CWF19L2: variants seen among roughly 807,000 people sequenced by gnomAD.
The protein encoded by CWF19L2 is CWF19-like protein 2.
CWF19L2 carries 98 observed loss-of-function variants against 111.7 expected under a neutral mutation model. That is an observed-to-expected ratio of 0.88 (90% CI 0.75 to 1.04). The LOEUF (loss-of-function observed/expected upper bound fraction) is 1.04. Among genes scored for constraint, CWF19L2 ranks in the 50% least tolerant of loss-of-function variants. CWF19L2 has a pLI of 0.00. For synonymous variants in CWF19L2, 351 were observed against 342.9 expected (o/e 1.02, Z -0.26); for missense variants, 1,101 against 1,051.4 (o/e 1.05, Z -0.65).
intron 14 of CWF19L2, among the ~76,000 whole-genome samples, chr11:107,343,852 C>T (rs1243261558): frequency 6.6e-6 from 1 of 152,120 alleles, no homozygotes; most frequent in Non-Finnish European, 1.5e-5. Flanking sequence ...CCTTACTTCC[C>T]TTTATGTCCA....
intron 14 of CWF19L2, among the ~76,000 whole-genome samples, chr11:107,337,512 A>T (rs11212170): frequency 6.6e-6 from 1 of 152,054 alleles, no homozygotes; most frequent in African/African-American, 2.4e-5. Flanking sequence ...CACCCCCTGT[A>T]GTACAGGATG....
intron 12 of CWF19L2, among the ~76,000 whole-genome samples, chr11:107,381,482 T>A (rs10502087): frequency 0.29 from 44,699 of 152,074 alleles, 6,662 homozygotes; most frequent in Non-Finnish European, 0.32. Flanking sequence ...CACGTTATTA[T>A]TTTATGACAT....
At chr11:107,435,483 A>G (rs1861528524) in intron 6 of CWF19L2, among the ~76,000 whole-genome samples, 1 of 152,180 alleles carries the variant, frequency 6.6e-6, no homozygotes, top group Non-Finnish European at 1.5e-5. Flanking sequence ...ACAATCACTA[A>G]AACATAATAG....
intron 3 of CWF19L2, among the ~76,000 whole-genome samples, chr11:107,448,732 T>C (rs991674438): frequency 2.6e-5 from 4 of 152,072 alleles, no homozygotes; most frequent in African/African-American, 4.8e-5. Flanking sequence ...AGTGCCCTTA[T>C]AAAACATAGC....
chr11:107,360,052 A>G (rs748242639), intron 12 of CWF19L2, among the ~76,000 whole-genome samples: 10 of 152,222 alleles, frequency 6.6e-5, no homozygotes, highest in Non-Finnish European at 1.2e-4. Context: ...TAAAGTATTC[A>G]TCACTCAAAT....
intron 10 of CWF19L2, among the ~76,000 whole-genome samples, chr11:107,395,048 A>T (rs1860902571): frequency 6.6e-6 from 1 of 152,160 alleles, no homozygotes; most frequent in African/African-American, 2.4e-5. Flanking sequence ...TATAGAACTG[A>T]TATGGTTTGC....
Position 107,371,299 on chromosome 11 carries a change from G to A in CWF19L2, c.1873-17563C>T, listed in dbSNP as rs543206017. ...ATTACAGGCGTGAGCCACCACGCCCGGCCTCTAGTTTCTATCTTTAGTGTT... is the reference window on the plus strand; with the variant it reads ...ATTACAGGCGTGAGCCACCACGCCCAGCCTCTAGTTTCTATCTTTAGTGTT... On this transcript the variant is annotated intron_variant, in intron 12 of 17. Transcript: ENST00000282251. 1.9e-4 allele frequency among the ~76,000 whole-genome samples: 26 copies of A among 137,250 alleles called. 6 individuals carry two copies. In the South Asian group the frequency reaches 4.4e-3, roughly 23 times the overall value. The allele number at this position is 137,250 out of a possible 152,430, so 90.0% of individuals were successfully genotyped here.
At chr11:107,345,863 A>C (rs1294842030) in intron 14 of CWF19L2, among the ~76,000 whole-genome samples, 1 of 152,230 alleles carries the variant, frequency 6.6e-6, no homozygotes, top group African/African-American at 2.4e-5. Context: ...TCATAAGATA[A>C]ATCAAAACTG....
intron 12 of CWF19L2, among the ~76,000 whole-genome samples, chr11:107,386,968 C>G (rs368311842): frequency 2.6e-5 from 4 of 151,700 alleles, no homozygotes; most frequent in Non-Finnish European, 5.9e-5. Flanking sequence ...GCAGGAGAAT[C>G]GCTTGAACCC....
intron 10 of CWF19L2, among the ~76,000 whole-genome samples, chr11:107,409,207 C>T (rs1184367197): frequency 6.6e-6 from 1 of 151,774 alleles, no homozygotes. Context: ...ATCCAAAAGA[C>T]AGTGTTAAAG....
At chr11:107,380,111 C>T (rs1056164500) in intron 12 of CWF19L2, among the ~76,000 whole-genome samples, 1 of 118,896 alleles carries the variant, frequency 8.4e-6, no homozygotes, top group Non-Finnish European at 1.8e-5. Flanking sequence ...TCTATGAAAA[C>T]TAGAGGCTTA....
chr11:107,337,367 T>TG (rs1859941353), intron 14 of CWF19L2, among the ~76,000 whole-genome samples: 2 of 148,120 alleles, frequency 1.4e-5, no homozygotes, highest in African/African-American at 2.5e-5. Flanking sequence ...GGTGTGTGTT[T>TG]TGTGTGTGTG....
At chr11:107,447,953 A>G (rs1036874112) in intron 3 of CWF19L2, among the ~76,000 whole-genome samples, 1 of 152,206 alleles carries the variant, frequency 6.6e-6, no homozygotes, top group African/African-American at 2.4e-5. Flanking sequence ...AAAACATTAG[A>G]AAGATCCAAA....
chr11:107,393,122 T>C (rs1860873152), intron 10 of CWF19L2, among the ~76,000 whole-genome samples: 1 of 151,934 alleles, frequency 6.6e-6, no homozygotes, highest in Admixed American at 6.6e-5. Flanking sequence ...AAAAAAGCAA[T>C]CAAGAGAAGA....
chr11:107,404,673 C>G (rs990540507), intron 10 of CWF19L2: 1 of 421,016 alleles, frequency 2.4e-6, no homozygotes, highest in African/African-American at 2.0e-5. Context: ...ACTGTCTTCC[C>G]CACCTTTCCA....
At chr11:107,436,210 C>T (rs1861540186) in intron 6 of CWF19L2, among the ~76,000 whole-genome samples, 1 of 149,956 alleles carries the variant, frequency 6.7e-6, no homozygotes, top group Admixed American at 6.6e-5. Context: ...GAAGTACAAA[C>T]ATGAATGTAG....
At chr11:107,355,983 T>C (rs964915223) in intron 12 of CWF19L2, among the ~76,000 whole-genome samples, 4 of 152,208 alleles carry the variant, frequency 2.6e-5, no homozygotes, top group Non-Finnish European at 4.4e-5. Flanking sequence ...TTCTGGGTCA[T>C]AGCACAAGTC....
intron 12 of CWF19L2, among the ~76,000 whole-genome samples, chr11:107,378,491 A>G (rs1485860602): frequency 1.3e-5 from 2 of 152,192 alleles, no homozygotes; most frequent in African/African-American, 2.4e-5. Flanking sequence ...ATTGGAAATC[A>G]TCATTCTCAG....
At chr11:107,338,553 C>T (rs1591149446) in intron 14 of CWF19L2, among the ~76,000 whole-genome samples, 1 of 152,132 alleles carries the variant, frequency 6.6e-6, no homozygotes, top group African/African-American at 2.4e-5. Flanking sequence ...CTTCCTGATG[C>T]TCTCCCTCCT....
Sources: gnomAD v4.1 joint callset for allele counts (sites outside exome capture counted in the v4.1 genomes callset) on GRCh38, gnomAD v4.1.1 for gene constraint, MANE v1.5 for transcripts, NCBI Gene and HGNC (gene_info 2026-07-23, HGNC 2026-07-21) for gene names.